GPM6A: variants seen among roughly 807,000 people sequenced by gnomAD.
GPM6A encodes neuronal membrane glycoprotein M6-a.
Under a neutral mutation model 32.1 loss-of-function variants are expected in GPM6A, and 7 were observed. That is an observed-to-expected ratio of 0.22 (90% CI 0.12 to 0.41). GPM6A has a LOEUF of 0.41. Ranked by LOEUF, GPM6A falls within the 10% of genes least tolerant of loss-of-function variation. The pLI is 1.00. For synonymous variants in GPM6A, 130 were observed against 123.4 expected (o/e 1.05, Z -0.35); for missense variants, 235 against 347.2 (o/e 0.68, Z 2.57).
At chr4:175,708,929 G>T (rs1266893508) in intron 1 of GPM6A, among the ~76,000 whole-genome samples, 1 of 152,116 alleles carries the variant, frequency 6.6e-6, no homozygotes, top group Non-Finnish European at 1.5e-5. Context: ...TAAATATTTG[G>T]TAGAACAACC....
At chr4:175,687,389 C>A (rs1334560896) in intron 2 of GPM6A, among the ~76,000 whole-genome samples, 1 of 151,970 alleles carries the variant, frequency 6.6e-6, no homozygotes, top group Admixed American at 6.6e-5. Context: ...TAATTTTGAC[C>A]ATTTTAGATA....
At chr4:175,759,217 A>G (rs1332875422) in intron 1 of GPM6A, among the ~76,000 whole-genome samples, 3 of 152,110 alleles carry the variant, frequency 2.0e-5, no homozygotes, top group Admixed American at 1.3e-4. Flanking sequence ...TGGGTTTTTC[A>G]TAAGTGGTTA....
intron 4 of GPM6A, chr4:175,641,971 G>A (rs952765206): frequency 2.0e-5 from 3 of 152,164 alleles, no homozygotes; most frequent in Admixed American, 2.0e-4. Context: ...TTACAGGTAG[G>A]AGCCACGGTA....
chr4:175,723,767 A>G (rs1746262723), intron 1 of GPM6A, among the ~76,000 whole-genome samples: 1 of 152,176 alleles, frequency 6.6e-6, no homozygotes. Flanking sequence ...TGAATCTTTT[A>G]CCAGACAAAT....
chr4:175,769,067 C>G (rs1733088007), intron 1 of GPM6A, among the ~76,000 whole-genome samples: 1 of 152,062 alleles, frequency 6.6e-6, no homozygotes, highest in Non-Finnish European at 1.5e-5. Context: ...TGCACTCCAG[C>G]CTGGGCAGCA....
chr4:175,700,377 G>A (rs1183959567), intron 2 of GPM6A, among the ~76,000 whole-genome samples: 1 of 152,090 alleles, frequency 6.6e-6, no homozygotes, highest in Non-Finnish European at 1.5e-5. Context: ...ATTGTAGTTG[G>A]AGAAAAGTTG....
chr4:175,637,528 T>C (rs1436429634), intron 6 of GPM6A, among the ~76,000 whole-genome samples: 1 of 94,438 alleles, frequency 1.1e-5, no homozygotes, highest in Non-Finnish European at 2.0e-5. Flanking sequence ...TTTATATATA[T>C]AAAAATATAC....
At chr4:175,731,134 A>ATACCACGG (rs1340424226) in intron 1 of GPM6A, among the ~76,000 whole-genome samples, 2 of 152,200 alleles carry the variant, frequency 1.3e-5, no homozygotes, top group African/African-American at 4.8e-5. Flanking sequence ...TTATAAAAAG[A>ATACCACGG]TACCACGGCA....
intron 2 of GPM6A, among the ~76,000 whole-genome samples, chr4:175,683,032 C>A (rs1743775081): frequency 6.6e-6 from 1 of 152,128 alleles, no homozygotes; most frequent in Non-Finnish European, 1.5e-5. Context: ...GCACTCTGTG[C>A]CTCAAAAATA....
intron 1 of GPM6A, among the ~76,000 whole-genome samples, chr4:175,844,360 C>A (rs1415271620): frequency 2.6e-5 from 4 of 152,138 alleles, no homozygotes; most frequent in African/African-American, 9.7e-5. Context: ...TTCCTTCTGC[C>A]ACAAGACTGA....
chr4:175,720,479 T>C lies in GPM6A; in HGVS notation c.38-18712A>G, dbSNP rs535597404. On this transcript the variant is annotated intron_variant, in intron 1 of 6. Transcript: ENST00000393658. ...AATGCTAAATAAAACATTAGATCTT[T>C]ATTATTTCTAGAATATGCTTTACAC... 1.9e-3 allele frequency among the ~76,000 whole-genome samples: 290 copies of C among 152,286 alleles called. 2 individuals are homozygous for C. Among genetic ancestry groups the C allele is most frequent in the African/African-American group, 6.3e-3 (263 of 41,574 alleles).
intron 2 of GPM6A, among the ~76,000 whole-genome samples, chr4:175,674,607 A>G (rs1192378802): frequency 2.0e-5 from 3 of 152,246 alleles, no homozygotes; most frequent in African/African-American, 7.2e-5. Context: ...ATACTTAATG[A>G]TGCAGTAGTT....
intron 1 of GPM6A, among the ~76,000 whole-genome samples, chr4:175,745,095 A>G (rs867895253): frequency 1.3e-5 from 2 of 152,166 alleles, no homozygotes; most frequent in Non-Finnish European, 2.9e-5. Flanking sequence ...AAGATAAGAA[A>G]GAAATACTCT....
intron 1 of GPM6A, among the ~76,000 whole-genome samples, chr4:175,807,994 G>T (rs7665072): frequency 6.6e-6 from 1 of 151,984 alleles, no homozygotes; most frequent in African/African-American, 2.4e-5. Context: ...AGTTCATTTA[G>T]GTAAAGTCCT....
Position 175,634,884 on chromosome 4 carries a change from A to G in GPM6A, c.*21T>C, listed in dbSNP as rs1219628706. ...TTAAACACCAATGCATTCAAATGGTAGAAAGAACAGGAAGATGCATTTATG... is the reference window on the plus strand; with the variant it reads ...TTAAACACCAATGCATTCAAATGGTGGAAAGAACAGGAAGATGCATTTATG... On this transcript the variant is annotated 3_prime_UTR_variant, in exon 7 of 7. Transcript: ENST00000393658. The G allele has an allele frequency of 1.9e-6, 3 of 1,606,072 alleles. No homozygotes were observed. Among genetic ancestry groups the G allele is most frequent in the Non-Finnish European group, 2.6e-6 (3 of 1,174,026 alleles).
At chr4:175,672,184 G>A (rs995228501) in intron 3 of GPM6A, among the ~76,000 whole-genome samples, 7 of 152,138 alleles carry the variant, frequency 4.6e-5, no homozygotes, top group Admixed American at 2.0e-4. Context: ...TAACACAATT[G>A]ACTGCACTCG....
chr4:175,642,795 A>AATCTATGT (rs992643694), intron 4 of GPM6A, among the ~76,000 whole-genome samples: 1 of 151,926 alleles, frequency 6.6e-6, no homozygotes, highest in African/African-American at 2.4e-5. Context: ...ACAACTCCTA[A>AATCTATGT]ATCTATGTGG....
chr4:175,881,611 T>C (rs867592538), intron 1 of GPM6A, among the ~76,000 whole-genome samples: 1 of 152,068 alleles, frequency 6.6e-6, no homozygotes, highest in Admixed American at 6.5e-5. Context: ...CCAACAATGA[T>C]AGACAGGATT....
chr4:175,844,359 C>T (rs1736026947), intron 1 of GPM6A, among the ~76,000 whole-genome samples: 2 of 152,122 alleles, frequency 1.3e-5, no homozygotes, highest in Non-Finnish European at 2.9e-5. Context: ...ATTCCTTCTG[C>T]CACAAGACTG....
Sources: allele counts gnomAD v4.1 joint callset (sites outside exome capture counted in the v4.1 genomes callset), GRCh38; gene constraint gnomAD v4.1.1; transcripts MANE v1.5; gene names NCBI Gene and HGNC (gene_info 2026-07-23, HGNC 2026-07-21).